The following STAT3 variants were observed in gnomAD, a reference collection of about 807,000 sequenced individuals.
The protein encoded by STAT3 is signal transducer and activator of transcription 3.
A neutral mutation model predicts 114.3 loss-of-function variants in STAT3; 7 were observed. The observed-to-expected ratio is 0.06, with a 90% CI of 0.03 to 0.11. The LOEUF is 0.11. Among genes scored for constraint, STAT3 ranks in the 10% least tolerant of loss-of-function variants. The pLI is 1.00. For synonymous variants in STAT3, 331 were observed against 354.5 expected (o/e 0.93, Z 0.74); for missense variants, 364 against 960.9 (o/e 0.38, Z 8.21).
At position 42,322,484 on chromosome 17, in the gene STAT3, C is replaced by T. The variant is rs2144684052; in HGVS notation, c.1899G>A (p.Gln633=). 6.2e-7 allele frequency: 1 copy of T among 1,614,246 alleles called. No individual in the cohort carries two copies. The highest frequency in any genetic ancestry group is 8.5e-7 in the Non-Finnish European group (1 of 1,180,044). ...WVEKDISGKT[Q]IQSVEPYTKQ... ...TTGTGTATGGTTCCACGGACTGGAT[C>T]TGGGTCTTACCTGTCACAGGACATG... Residue 633 remains glutamine (Q), a synonymous_variant, in exon 21 of 24, where the codon CAG becomes CAA. Transcript: ENST00000264657.
rs1465975757 is a variant in STAT3 at position 42,333,278 on chromosome 17, C to T, written c.1049+395G>A. On this transcript the variant is annotated intron_variant, in intron 10 of 23. Coordinates refer to ENST00000264657, the MANE Select transcript of STAT3 (RefSeq NM_139276.3). The surrounding 1 kb of genome is among the most constrained non-coding windows in gnomAD (Gnocchi z 5.2). Reference sequence around the variant, plus strand: ...AGTGTGAAAGTAACACCTCACCCTACAGGCCCACCACCCACCTGCCCTGGG... The same window carrying T: ...AGTGTGAAAGTAACACCTCACCCTATAGGCCCACCACCCACCTGCCCTGGG... Among the ~76,000 whole-genome samples, 1 of 152,130 alleles carries T rather than the reference C, an allele frequency of 6.6e-6. No individual in the cohort carries two copies. Among genetic ancestry groups the T allele is most frequent in the Non-Finnish European group, 1.5e-5 (1 of 68,024 alleles).
At chr17:42,321,114 C>CTTTTTT (rs971943600) in intron 21 of STAT3, among the ~76,000 whole-genome samples, 1 of 110,130 alleles carries the variant, frequency 9.1e-6, no homozygotes, top group African/African-American at 3.8e-5. Flanking sequence ...ATTTCTCTCT[C>CTTTTTT]TTTTTTTTTT....
intron 1 of STAT3, among the ~76,000 whole-genome samples, chr17:42,386,010 G>A (rs879702029): frequency 5.3e-5 from 8 of 151,982 alleles, no homozygotes; most frequent in Non-Finnish European, 8.8e-5. Flanking sequence ...TACTGGGCGC[G>A]GTGGCTCACA....
At chr17:42,321,403 G>A (rs948355220) in intron 21 of STAT3, among the ~76,000 whole-genome samples, 1 of 151,962 alleles carries the variant, frequency 6.6e-6, no homozygotes, top group Non-Finnish European at 1.5e-5. Context: ...AGGACTATAG[G>A]CATGAGCCAC....
chr17:42,386,094 A>G (rs566748821), intron 1 of STAT3, among the ~76,000 whole-genome samples: 2 of 152,242 alleles, frequency 1.3e-5, no homozygotes, highest in Admixed American at 6.5e-5. Flanking sequence ...AGCCTGGCCA[A>G]TATGGTAAAA....
Position 42,324,844 on chromosome 17 carries a change from A to C in STAT3, c.1467T>G (p.Asn489Lys). ...WYNMLTNNPKNVNFFTKPPIG... is the reference protein window; with the variant it reads ...WYNMLTNNPKKVNFFTKPPIG... Reference sequence around the variant, plus strand: ...TTGGGGGCTTGGTAAAAAAGTTTACATTCTATTGGAAAGAACACATTTGCT... The same window carrying C: ...TTGGGGGCTTGGTAAAAAAGTTTACCTTCTATTGGAAAGAACACATTTGCT... The change falls in exon 17 of 24, where the codon AAT (asparagine) becomes AAG (lysine). Residue 489 changes from asparagine to lysine, a missense_variant and splice_region_variant. Coordinates refer to ENST00000264657, the MANE Select transcript of STAT3 (RefSeq NM_139276.3). This position sits in a 1 kb window ranked among gnomAD's most constrained non-coding sequence, Gnocchi z 4.5. 6.2e-7 allele frequency: 1 copy of C among 1,614,184 alleles called. No individual in the cohort carries two copies. The highest frequency in any genetic ancestry group is 8.5e-7 in the Non-Finnish European group (1 of 1,180,030).
At chr17:42,365,404 C>T (rs1404146780) in intron 1 of STAT3, among the ~76,000 whole-genome samples, 1 of 152,056 alleles carries the variant, frequency 6.6e-6, no homozygotes, top group Non-Finnish European at 1.5e-5. Flanking sequence ...CCTCAGACAT[C>T]GCAGAGCAAA....
rs1229350941 is a variant in STAT3 at position 42,329,537 on chromosome 17, G to A, written c.1233+17C>T. 8 of 1,614,038 alleles carry A rather than the reference G, an allele frequency of 5.0e-6. No homozygotes were observed. In the South Asian group the frequency reaches 6.6e-5, roughly 13 times the overall value. On this transcript the variant is annotated intron_variant, in intron 13 of 23. Coordinates refer to ENST00000264657, the MANE Select transcript of STAT3 (RefSeq NM_139276.3). The stretch of plus-strand genomic sequence containing the variant: ...GCAGCCAGAGGCCCTTTGTGAAGGG[G>A]AGCTCCTCCCACATACCAAGTGTTT...
intron 1 of STAT3, among the ~76,000 whole-genome samples, chr17:42,349,991 G>A (rs1167216515): frequency 2.6e-5 from 4 of 152,012 alleles, no homozygotes; most frequent in Admixed American, 1.3e-4. Context: ...GGAAGGCAGA[G>A]GTTGAGGTGA....
At chr17:42,380,198 G>C (rs1306335758) in intron 1 of STAT3, among the ~76,000 whole-genome samples, 4 of 151,686 alleles carry the variant, frequency 2.6e-5, no homozygotes, top group African/African-American at 9.7e-5. Context: ...CACCACAACA[G>C]GCTAAATTTT....
intron 14 of STAT3, among the ~76,000 whole-genome samples, chr17:42,329,057 A>G (rs1870984643): frequency 6.6e-6 from 1 of 152,196 alleles, no homozygotes; most frequent in South Asian, 2.1e-4. Flanking sequence ...GGCACTAAAA[A>G]TGGAGCCAAG....
At chr17:42,363,963 C>T (rs1177257528) in intron 1 of STAT3, among the ~76,000 whole-genome samples, 4 of 152,138 alleles carry the variant, frequency 2.6e-5, no homozygotes, top group African/African-American at 9.7e-5. Flanking sequence ...TGAATCCCCA[C>T]GGTACATATA....
At chr17:42,387,028 T>A (rs1019354156) in intron 1 of STAT3, 3 of 152,162 alleles carry the variant, frequency 2.0e-5, no homozygotes, top group African/African-American at 7.2e-5. Flanking sequence ...TATAAAAGAT[T>A]GAGATGATTT....
chr17:42,334,406 G>A (rs2082143188), intron 8 of STAT3, among the ~76,000 whole-genome samples: 1 of 148,732 alleles, frequency 6.7e-6, no homozygotes, highest in Non-Finnish European at 1.5e-5. Context: ...TGAGCCTCCT[G>A]AGAGATTACA....
At chr17:42,375,938 G>A (rs1187722210) in intron 1 of STAT3, among the ~76,000 whole-genome samples, 1 of 152,048 alleles carries the variant, frequency 6.6e-6, no homozygotes, top group Non-Finnish European at 1.5e-5. Context: ...ATATCATGAG[G>A]TCAGGAGTTC....
chr17:42,388,406 C>A lies in STAT3; in HGVS notation c.-151G>T. On this transcript the variant is annotated 5_prime_UTR_variant, in exon 1 of 24. Transcript: ENST00000264657. ...GACAGCGCCAAGCCGGGGTGCCTGTCCAGGATCCGGTTGGGGCTTGTTCCC... is the reference window on the plus strand; with the variant it reads ...GACAGCGCCAAGCCGGGGTGCCTGTACAGGATCCGGTTGGGGCTTGTTCCC... 8.1e-7 allele frequency: 1 copy of A among 1,231,692 alleles called. No homozygotes were observed. The highest frequency in any genetic ancestry group is 1.0e-6 in the Non-Finnish European group (1 of 987,894). 76.3% of individuals were successfully genotyped at this position (1,231,692 alleles called of 1,614,324 possible).
At chr17:42,366,860 G>C (rs1225118360) in intron 1 of STAT3, among the ~76,000 whole-genome samples, 1 of 151,934 alleles carries the variant, frequency 6.6e-6, no homozygotes, top group Non-Finnish European at 1.5e-5. Context: ...TAAGAGTCCT[G>C]GCTGGCACGG....
chr17:42,331,864 G>A (rs1164387442), intron 10 of STAT3, among the ~76,000 whole-genome samples: 1 of 152,082 alleles, frequency 6.6e-6, no homozygotes, highest in East Asian at 1.9e-4. Context: ...GGAGTTCAAG[G>A]CTACAGTGAT....
At chr17:42,320,169 G>A (rs1223716734) in intron 21 of STAT3, among the ~76,000 whole-genome samples, 3 of 152,144 alleles carry the variant, frequency 2.0e-5, no homozygotes, top group Non-Finnish European at 4.4e-5. Context: ...ACATGCAAAG[G>A]GAGATAGGTG....
Sources: allele counts gnomAD v4.1 joint callset (sites outside exome capture counted in the v4.1 genomes callset), GRCh38; gene constraint gnomAD v4.1.1; non-coding constraint Gnocchi (gnomAD v3.1); transcripts MANE v1.5; gene names NCBI Gene and HGNC (gene_info 2026-07-23, HGNC 2026-07-21).